NTNG1: variants seen among roughly 807,000 people sequenced by gnomAD.
NTNG1 encodes netrin G1, also known as netrin-G1.
NTNG1 carries 16 observed loss-of-function variants against 54.0 expected under a neutral mutation model. The observed-to-expected ratio is 0.30, with a 90% CI of 0.20 to 0.45. The LOEUF (loss-of-function observed/expected upper bound fraction) is 0.45, where lower values mean the gene tolerates loss of function less well. Among genes scored for constraint, NTNG1 ranks in the 20% least tolerant of loss-of-function variants. The pLI, the probability that NTNG1 is intolerant of heterozygous loss-of-function variation, is 1.00. For synonymous variants in NTNG1, 255 were observed against 263.1 expected (o/e 0.97, Z 0.30); for missense variants, 530 against 678.7 (o/e 0.78, Z 2.43).
intron 7 of NTNG1, among the ~76,000 whole-genome samples, chr1:107,459,106 ACTAT>A (rs1180668430): frequency 1.3e-5 from 2 of 152,148 alleles, no homozygotes; most frequent in Non-Finnish European, 2.9e-5. Flanking sequence ...TTAGGTTCAC[ACTAT>A]CTATTATTAC....
intron 2 of NTNG1, among the ~76,000 whole-genome samples, chr1:107,205,455 G>A (rs866141116): frequency 2.6e-5 from 4 of 152,232 alleles, no homozygotes; most frequent in Middle Eastern, 3.4e-3. Flanking sequence ...CCAGAAATTA[G>A]TTATGGCTTT....
At chr1:107,202,994 C>A (rs1658873882) in intron 2 of NTNG1, among the ~76,000 whole-genome samples, 1 of 151,666 alleles carries the variant, frequency 6.6e-6, no homozygotes, top group Non-Finnish European at 1.5e-5. Flanking sequence ...AAATTTTTAC[C>A]AAAATTTAAA....
At chr1:107,376,368 AC>A (rs1288524232) in intron 3 of NTNG1, among the ~76,000 whole-genome samples, 1 of 151,722 alleles carries the variant, frequency 6.6e-6, no homozygotes, top group East Asian at 1.9e-4. Context: ...AGGTCGCGCC[AC>A]TGCACTCCAG....
At chr1:107,229,280 T>C (rs768830386) in intron 2 of NTNG1, among the ~76,000 whole-genome samples, 124 of 150,488 alleles carry the variant, frequency 8.2e-4, no homozygotes, top group Non-Finnish European at 1.0e-3. Context: ...ATTGGCCTTC[T>C]CAGCCTCATC....
intron 4 of NTNG1, among the ~76,000 whole-genome samples, chr1:107,396,091 T>C (rs561778872): frequency 8.7e-4 from 133 of 152,304 alleles, no homozygotes; most frequent in African/African-American, 3.1e-3. Flanking sequence ...CCCAATTCCA[T>C]GGATGGACCA....
intron 3 of NTNG1, among the ~76,000 whole-genome samples, chr1:107,365,763 GT>G (rs1557936567): frequency 6.6e-6 from 1 of 152,152 alleles, no homozygotes; most frequent in Non-Finnish European, 1.5e-5. Context: ...TGCTTTAAAG[GT>G]CTGAAACTAC....
chr1:107,180,494 G>A (rs1215482733), intron 2 of NTNG1, among the ~76,000 whole-genome samples: 4 of 152,082 alleles, frequency 2.6e-5, no homozygotes, highest in Admixed American at 2.6e-4. Flanking sequence ...GCAATTTTAT[G>A]TTTTCTATTT....
At chr1:107,439,347 G>T (rs1036300815) in intron 7 of NTNG1, among the ~76,000 whole-genome samples, 1 of 151,490 alleles carries the variant, frequency 6.6e-6, no homozygotes, top group Non-Finnish European at 1.5e-5. Context: ...ATGTTAAACA[G>T]CATCCAGGGA....
At chr1:107,258,058 T>A (rs991571106) in intron 2 of NTNG1, among the ~76,000 whole-genome samples, 1 of 152,168 alleles carries the variant, frequency 6.6e-6, no homozygotes. Context: ...AAACATTATA[T>A]GAAAGACACT....
chr1:107,247,537 C>T (rs971496390), intron 2 of NTNG1, among the ~76,000 whole-genome samples: 2 of 152,120 alleles, frequency 1.3e-5, no homozygotes, highest in African/African-American at 2.4e-5. Flanking sequence ...GACCTATGCT[C>T]GAAAACATGG....
chr1:107,278,042 A>G (rs1383927571), intron 2 of NTNG1, among the ~76,000 whole-genome samples: 2 of 152,204 alleles, frequency 1.3e-5, no homozygotes, highest in Non-Finnish European at 2.9e-5. Flanking sequence ...TCCCTGCTCA[A>G]TCCCACTCTA....
At chr1:107,293,823 T>C (rs954095601) in intron 2 of NTNG1, among the ~76,000 whole-genome samples, 1 of 152,206 alleles carries the variant, frequency 6.6e-6, no homozygotes, top group African/African-American at 2.4e-5. Context: ...TATAACTGAA[T>C]ATAGAGTGAA....
intron 3 of NTNG1, among the ~76,000 whole-genome samples, chr1:107,394,161 C>A (rs1254271862): frequency 1.3e-5 from 2 of 152,110 alleles, no homozygotes; most frequent in African/African-American, 4.8e-5. Flanking sequence ...TCTCTTCCCA[C>A]ATACATTATT....
At chr1:107,427,376 A>C (rs1674979649) in intron 5 of NTNG1, among the ~76,000 whole-genome samples, 1 of 152,096 alleles carries the variant, frequency 6.6e-6, no homozygotes, top group Non-Finnish European at 1.5e-5. Flanking sequence ...GATTTGAAGA[A>C]TCAAATAATT....
chr1:107,361,643 C>G (rs532924018), intron 3 of NTNG1, among the ~76,000 whole-genome samples: 1 of 151,904 alleles, frequency 6.6e-6, no homozygotes, highest in East Asian at 1.9e-4. Flanking sequence ...CCGCCTCGGC[C>G]TCCCAAAGTG....
chr1:107,473,519 C>T (rs778526892), intron 7 of NTNG1, among the ~76,000 whole-genome samples: 22 of 152,064 alleles, frequency 1.4e-4, no homozygotes, highest in Admixed American at 3.9e-4. Context: ...ATCAAGGTCT[C>T]GTAAGTCACA....
At chr1:107,243,764 CTG>C (rs773727700) in intron 2 of NTNG1, among the ~76,000 whole-genome samples, 47 of 151,990 alleles carry the variant, frequency 3.1e-4, no homozygotes, top group Non-Finnish European at 5.9e-4. Flanking sequence ...TCTCAACAGA[CTG>C]AGAGTTTTCG....
chr1:107,374,715 T>C (rs1671125648), intron 3 of NTNG1, among the ~76,000 whole-genome samples: 1 of 152,184 alleles, frequency 6.6e-6, no homozygotes, highest in Non-Finnish European at 1.5e-5. Context: ...TTCAGTTGAT[T>C]ATTTGTGTCA....
intron 2 of NTNG1, among the ~76,000 whole-genome samples, chr1:107,174,518 T>C (rs1656493922): frequency 6.6e-6 from 1 of 152,092 alleles, no homozygotes; most frequent in Non-Finnish European, 1.5e-5. Context: ...AAACTCTCCC[T>C]GTTCATTCCT....
Sources: gnomAD v4.1 joint callset for allele counts (sites outside exome capture counted in the v4.1 genomes callset) on GRCh38, gnomAD v4.1.1 for gene constraint, MANE v1.5 for transcripts, NCBI Gene and HGNC (gene_info 2026-07-23, HGNC 2026-07-21) for gene names.